The following DELE1 variants were observed in gnomAD, a reference collection of about 807,000 sequenced individuals.
The protein encoded by DELE1 is death ligand signal enhancer.
Under a neutral mutation model 59.3 loss-of-function variants are expected in DELE1, and 54 were observed. The observed-to-expected ratio is 0.91, with a 90% CI of 0.73 to 1.14. DELE1 has a LOEUF of 1.14. DELE1 is among the 50% of genes most tolerant of loss of function. The pLI is 0.00. For missense variants in DELE1, 636 were observed against 643.9 expected, an observed-to-expected ratio of 0.99 and a Z score of 0.13; for synonymous variants, 264 against 259.1, an observed-to-expected ratio of 1.02 and a Z score of -0.18.
At chr5:141,928,606 C>T (rs1306015106) in intron 4 of DELE1, among the ~76,000 whole-genome samples, 1 of 152,228 alleles carries the variant, frequency 6.6e-6, no homozygotes, top group Non-Finnish European at 1.5e-5. Context: ...TGGTCAGTCA[C>T]TCAGTCATTC....
intron 3 of DELE1, among the ~76,000 whole-genome samples, chr5:141,926,137 C>G (rs1323705627): frequency 6.6e-6 from 1 of 152,116 alleles, no homozygotes; most frequent in African/African-American, 2.4e-5. Context: ...CGCGGCCTCC[C>G]AAAGTGCTGG....
rs373158872 is a variant in DELE1, at chr5:141,929,994, G to A, written c.577G>A (p.Gly193Ser). The change falls in exon 6 of 12, where the codon GGT (glycine) becomes AGT (serine). Residue 193 changes from glycine (G) to serine (S), a missense_variant. Physicochemically the swap from Gly to Ser is moderately conservative, Grantham distance 56. Coordinates refer to ENST00000432126, the MANE Select transcript of DELE1 (RefSeq NM_014773.5). ...RPQDPSEEGP[G>S]DFGFLHASSS... ...TGTCGGCCTTTCCCTTGCAGGTCCC[G>A]GTGATTTTGGCTTCCTGCATGCCAG... is the stretch of plus-strand genomic sequence containing the variant. The A allele has an allele frequency of 9.4e-5, 152 of 1,613,900 alleles. 1 individual carries two copies. The highest frequency in any genetic ancestry group is 1.5e-4 in the South Asian group (14 of 91,082).
chr5:141,937,049 A>G, intron 10 of DELE1, 149 bp from the exon 11 acceptor site: 1 of 1,505,266 alleles, frequency 6.6e-7, no homozygotes, highest in Non-Finnish European at 8.8e-7. Context: ...CGTAGTTGAG[A>G]TCCCTTGCTA....
At chr5:141,931,304 A>G (rs1751889163) in intron 7 of DELE1, 1 of 152,232 alleles carries the variant, frequency 6.6e-6, no homozygotes, top group Non-Finnish European at 1.5e-5. Flanking sequence ...GAGCTTAGAG[A>G]TCTTGGGAAG....
In DELE1 at chr5:141,929,728, C is replaced by T. The variant is rs775339536; in HGVS notation, c.559C>T (p.Pro187Ser). The T allele has an allele frequency of 6.2e-7, 1 of 1,614,126 alleles. No homozygotes were observed. Among genetic ancestry groups the T allele is most frequent in the Non-Finnish European group, 8.5e-7 (1 of 1,180,004 alleles). The change falls in exon 5 of 12, where the codon CCC becomes TCC. Residue 187 changes from proline to serine, a missense_variant. Pro to Ser is a moderately conservative substitution (Grantham distance 74, BLOSUM62 -1). Transcript: ENST00000432126. ...NSLRGARPQDPSEEGPGDFGF... is the reference protein window; with the variant it reads ...NSLRGARPQDSSEEGPGDFGF... The stretch of plus-strand genomic sequence containing the variant: ...TTTGAGAGGAGCTCGTCCTCAGGAC[C>T]CCTCTGAGGAAGGTATGTCCCTGCC...
intron 11 of DELE1, 59 bp downstream of exon 11, chr5:141,937,416 A>G: frequency 6.3e-7 from 1 of 1,576,142 alleles, no homozygotes; most frequent in Admixed American, 1.7e-5. Context: ...TCTGTGACAG[A>G]TAAGTAGGTA....
chr5:141,937,496 C>T, intron 11 of DELE1, 139 bp downstream of exon 11: 1 of 934,072 alleles, frequency 1.1e-6, no homozygotes, highest in South Asian at 1.6e-5. Context: ...TTGGGATGGG[C>T]ACGGTGGCTC....
At position 141,924,346 on chromosome 5, in the gene DELE1, C is replaced by A. The variant is rs188586715; in HGVS notation, c.32-235C>A. Among the ~76,000 whole-genome samples the A allele has an allele frequency of 5.9e-3, 895 of 152,322 alleles. 2 individuals are homozygous for A. Among genetic ancestry groups the A allele is most frequent in the Middle Eastern group, 0.027 (8 of 294 alleles). ...AGTATATGTATGAACGTTTGGTCAT[C>A]TTAGAACAGTGGTTGGCATCCACAG... is the stretch of plus-strand genomic sequence containing the variant. On this transcript the variant is annotated intron_variant, in intron 1 of 11. Coordinates refer to ENST00000432126, the MANE Select transcript of DELE1 (RefSeq NM_014773.5).
rs1292062741 is a variant in DELE1, at chr5:141,937,346, T to G, written c.1298T>G (p.Met433Arg). 2 of 1,614,004 alleles carry G rather than the reference T, an allele frequency of 1.2e-6. No homozygotes were observed. The highest frequency in any genetic ancestry group is 1.7e-5 in the Admixed American group (1 of 60,012). The stretch of plus-strand genomic sequence containing the variant: ...GAGAGGCTGCGAGCCCTCTTTTCCA[T>G]GGGGGCTGCAGGTACAGACCCAAGT... ...AQERLRALFS[M>R]GAAAPGPSDL... Residue 433 changes from methionine (M) to arginine (R), a missense_variant, in exon 11 of 12, where the codon ATG (methionine) becomes AGG (arginine). By Grantham distance (91) the Met-to-Arg change is moderately conservative (BLOSUM62 -1). Coordinates refer to ENST00000432126, the MANE Select transcript of DELE1 (RefSeq NM_014773.5).
At position 141,940,955 on chromosome 5, in the gene DELE1, C is replaced by T. The variant is rs1367064194; in HGVS notation, c.*2196C>T. The T allele has an allele frequency of 2.1e-6, 2 of 967,344 alleles. No homozygotes were observed. Among genetic ancestry groups the T allele is most frequent in the Non-Finnish European group, 1.2e-6 (1 of 813,640 alleles). 59.9% of individuals were successfully genotyped at this position (967,344 alleles called of 1,614,324 possible). ...TTTATAGATTCACAATACACATCAG[C>T]ATATTTGAGGTTCCAAGAAGTCCTC... is the stretch of plus-strand genomic sequence containing the variant. On this transcript the variant is annotated 3_prime_UTR_variant, in exon 12 of 12. Transcript: ENST00000432126.
At chr5:141,929,828 T>A in intron 5 of DELE1, 88 bp downstream of exon 5, 1 of 1,554,106 alleles carries the variant, frequency 6.4e-7, no homozygotes. Flanking sequence ...GCGAAGGGAA[T>A]TGGCACTCCT....
Position 141,939,044 on chromosome 5 carries a change from T to A in DELE1, c.*285T>A. The stretch of plus-strand genomic sequence containing the variant: ...CTACTGAAGGGTCCAGAGACCCTGG[T>A]GCTCACCTTAGCCTTTGTCTTTGAG... On this transcript the variant is annotated 3_prime_UTR_variant, in exon 12 of 12. Coordinates refer to ENST00000432126, the MANE Select transcript of DELE1 (RefSeq NM_014773.5). The A allele has an allele frequency of 8.2e-7, 1 of 1,215,328 alleles. No homozygotes were observed. Among genetic ancestry groups the A allele is most frequent in the African/African-American group, 1.5e-5 (1 of 64,646 alleles). The allele number at this position is 1,215,328 out of a possible 1,614,324, so 75.3% of individuals were successfully genotyped here. A position where few individuals can be genotyped will look rare whatever the true frequency, so the allele number is the denominator to read the frequency against.
intron 8 of DELE1, 141 bp from the exon 9 acceptor site, chr5:141,934,099 A>T: frequency 1.5e-6 from 1 of 670,124 alleles, no homozygotes; most frequent in Non-Finnish European, 2.3e-6. Context: ...TTATATTTTT[A>T]AATTTTAGCT....
At chr5:141,925,574 T>G (rs765535932) in intron 3 of DELE1, 47 bp downstream of exon 3, 12 of 1,243,256 alleles carry the variant, frequency 9.7e-6, no homozygotes, top group Non-Finnish European at 1.2e-5. Context: ...TAGATGAGAA[T>G]GATCCTTCAT....
intron 7 of DELE1, chr5:141,931,202 C>A (rs1383871946): frequency 1.3e-5 from 2 of 152,206 alleles, no homozygotes; most frequent in Non-Finnish European, 2.9e-5. Context: ...GGAGAAAGAG[C>A]TTTCCAAGTG....
chr5:141,933,111 A>AAAATATATAT lies in DELE1; in HGVS notation c.755-147_755-146insAATATATATA, dbSNP rs1554076875. On this transcript the variant is annotated intron_variant, in intron 7 of 11. Transcript: ENST00000432126. Reference sequence around the variant, plus strand: ...CTCCATCTCAAAAAAAAAAAAAAAAAATATATATATATATATATATATATG... The same window carrying AAAATATATAT: ...CTCCATCTCAAAAAAAAAAAAAAAAAAAATATATATATATATATATATATATATATATATG... 4.2e-5 allele frequency: 4 copies of AAAATATATAT among 94,436 alleles called. No individual in the cohort carries two copies. The South Asian group carries it at 1.2e-3, about 29-fold the overall frequency. 5.8% of individuals were successfully genotyped at this position (94,436 alleles called of 1,614,324 possible). A position where few individuals can be genotyped will look rare whatever the true frequency, so the allele number is the denominator to read the frequency against.
chr5:141,936,105 T>C (rs1395481017), intron 10 of DELE1, among the ~76,000 whole-genome samples: 1 of 152,176 alleles, frequency 6.6e-6, no homozygotes, highest in Non-Finnish European at 1.5e-5. Context: ...GTTTTGTTTT[T>C]TTAATTGGGA....
rs1752668828 is a variant in DELE1 at position 141,940,436 on chromosome 5, CG to C, written c.*1678del. ...GGTCTGGGAGGGATAGAGAGCCCAC[CG>C]CCCACCCCCCACAATCCCATGACTG... On this transcript the variant is annotated 3_prime_UTR_variant, in exon 12 of 12. Coordinates refer to ENST00000432126, the MANE Select transcript of DELE1 (RefSeq NM_014773.5). 8.9e-5 allele frequency: 20 copies of C among 224,340 alleles called. No homozygotes were observed. The highest frequency in any genetic ancestry group is 9.7e-5 in the Non-Finnish European group (20 of 206,140). The allele number at this position is 224,340 out of a possible 1,614,324, so 13.9% of individuals were successfully genotyped here.
chr5:141,929,933 A>G (rs1751763514), intron 5 of DELE1, 56 bp from the exon 6 acceptor site: 1 of 1,570,998 alleles, frequency 6.4e-7, no homozygotes, highest in African/African-American at 1.4e-5. Flanking sequence ...AGAGTCGGAG[A>G]AAAGAAGTAC....
Sources: gnomAD v4.1 joint callset for allele counts (sites outside exome capture counted in the v4.1 genomes callset) on GRCh38, gnomAD v4.1.1 for gene constraint, MANE v1.5 for transcripts, NCBI Gene and HGNC (gene_info 2026-07-23, HGNC 2026-07-21) for gene names.